Variants in TNKS observed in about 807,000 individuals in gnomAD.
The protein encoded by TNKS is tankyrase, also known as poly [ADP-ribose] polymerase tankyrase-1.
Under a neutral mutation model 135.8 loss-of-function variants are expected in TNKS, and 72 were observed. The observed-to-expected ratio is 0.53, with a 90% CI of 0.44 to 0.64. The LOEUF is 0.64. TNKS is among the 30% of genes least tolerant of loss of function. The probability of loss-of-function intolerance (pLI) is 0.00; values close to 1 mark genes in which losing one functional copy is unlikely to be tolerated. For missense variants in TNKS, 1,769 were observed against 1,674.0 expected (o/e 1.06, Z -0.99); for synonymous variants, 849 against 649.3 (o/e 1.31, Z -4.68).
intron 3 of TNKS, among the ~76,000 whole-genome samples, chr8:9,659,543 CAA>C (rs1801593871): frequency 6.6e-6 from 1 of 151,974 alleles, no homozygotes; most frequent in African/African-American, 2.4e-5. Context: ...CCAACGAGAA[CAA>C]AGACACAACA....
intron 13 of TNKS, among the ~76,000 whole-genome samples, chr8:9,730,270 C>G (rs769075102): frequency 6.6e-6 from 1 of 152,058 alleles, no homozygotes; most frequent in Non-Finnish European, 1.5e-5. Flanking sequence ...GAGGACATCT[C>G]TGAAAGAGAT....
intron 2 of TNKS, among the ~76,000 whole-genome samples, chr8:9,609,403 C>G (rs1163322157): frequency 1.3e-5 from 2 of 152,158 alleles, no homozygotes; most frequent in African/African-American, 4.8e-5. Context: ...TGTACTAGGA[C>G]CAGTTCACAT....
intron 2 of TNKS, among the ~76,000 whole-genome samples, chr8:9,607,126 AAAG>A (rs796694225): frequency 1.3e-3 from 204 of 152,340 alleles, no homozygotes; most frequent in African/African-American, 4.8e-3. Flanking sequence ...GATATTAAAA[AAAG>A]AAGTTTAAAA....
In TNKS at chr8:9,706,172, C is replaced by T. The variant is rs973756993; in HGVS notation, c.1203-15C>T. Reference sequence around the variant, plus strand: ...TTTGAAATTTAAGTATTTTAATTTGCCTCTTTTCATTTAGTGGACTTGTGC... The same window carrying T: ...TTTGAAATTTAAGTATTTTAATTTGTCTCTTTTCATTTAGTGGACTTGTGC... On this transcript the variant is annotated splice_polypyrimidine_tract_variant and intron_variant, in intron 6 of 26. Transcript: ENST00000310430. 1.7e-5 allele frequency: 26 copies of T among 1,552,020 alleles called. No individual in the cohort carries two copies. The highest frequency in any genetic ancestry group is 9.7e-5 in the East Asian group (4 of 41,042).
rs1222004867 is a variant in TNKS, at chr8:9,765,681, C to T, written c.3448-11C>T. 1 of 1,604,304 alleles carries T rather than the reference C, an allele frequency of 6.2e-7. No individual in the cohort carries two copies. Among genetic ancestry groups the T allele is most frequent in the Middle Eastern group, 1.7e-4 (1 of 6,038 alleles). ...TCACCGATAATGTTTCTTTCTTCTTCATCCTTAAAGATTCAAAAAGTTGTC... is the reference window on the plus strand; with the variant it reads ...TCACCGATAATGTTTCTTTCTTCTTTATCCTTAAAGATTCAAAAAGTTGTC... On this transcript the variant is annotated splice_polypyrimidine_tract_variant and intron_variant, in intron 23 of 26. Coordinates refer to ENST00000310430, the MANE Select transcript of TNKS (RefSeq NM_003747.3).
intron 3 of TNKS, among the ~76,000 whole-genome samples, chr8:9,661,985 A>G (rs570216147): frequency 6.6e-6 from 1 of 152,370 alleles, no homozygotes; most frequent in South Asian, 2.1e-4. Context: ...ACATGAAAAA[A>G]TGCTGCTCAT....
intron 2 of TNKS, among the ~76,000 whole-genome samples, chr8:9,611,673 G>A (rs1008880765): frequency 6.6e-6 from 1 of 152,142 alleles, no homozygotes; most frequent in Non-Finnish European, 1.5e-5. Context: ...TGTTACCTTT[G>A]CCTCATGTAT....
chr8:9,679,779 G>A (rs1441841806), intron 3 of TNKS, 172 bp from the exon 4 acceptor site: 1 of 538,872 alleles, frequency 1.9e-6, no homozygotes, highest in Non-Finnish European at 3.3e-6. Flanking sequence ...CGTCTCCAAG[G>A]CACTGGTGAT....
At chr8:9,750,485 C>T (rs958011308) in intron 18 of TNKS, among the ~76,000 whole-genome samples, 20 of 152,196 alleles carry the variant, frequency 1.3e-4, no homozygotes, top group East Asian at 1.9e-4. Flanking sequence ...TTTAGGTTTA[C>T]GTTCTACCTT....
At chr8:9,658,620 C>G (rs528745483) in intron 3 of TNKS, among the ~76,000 whole-genome samples, 125 of 152,370 alleles carry the variant, frequency 8.2e-4, no homozygotes, top group African/African-American at 2.8e-3. Flanking sequence ...GTAACAGCCA[C>G]TGCAAAAACA....
intron 5 of TNKS, among the ~76,000 whole-genome samples, chr8:9,696,443 AGCAGTCAG>A (rs1803518176): frequency 2.6e-5 from 4 of 152,264 alleles, no homozygotes; most frequent in Admixed American, 2.6e-4. Context: ...TTCTAGCTAG[AGCAGTCAG>A]GCAAGAAAAA....
intron 2 of TNKS, among the ~76,000 whole-genome samples, chr8:9,586,149 C>T (rs1461839732): frequency 6.6e-6 from 1 of 152,122 alleles, no homozygotes; most frequent in South Asian, 2.1e-4. Flanking sequence ...TAGTTTTCTT[C>T]TTGTATTACA....
rs574826682 is a variant in TNKS, at chr8:9,644,678, T to G, written c.994+29001T>G. Among the ~76,000 whole-genome samples, 4 of 152,280 alleles carry G rather than the reference T, an allele frequency of 2.6e-5. No individual in the cohort carries two copies. The East Asian group carries it at 7.7e-4, about 29-fold the overall frequency. The stretch of plus-strand genomic sequence containing the variant: ...CACCATTCAACCCACAACAGCACCT[T>G]CAGGAGCTAATTTGCTTTGTGCGTT... On this transcript the variant is annotated intron_variant, in intron 3 of 26. Transcript: ENST00000310430.
chr8:9,751,501 G>A (rs1811162494), intron 18 of TNKS, 108 bp from the exon 19 acceptor site: 2 of 919,548 alleles, frequency 2.2e-6, no homozygotes, highest in Admixed American at 4.6e-5. Flanking sequence ...AGGTGATAAT[G>A]AGGCATTCAT....
chr8:9,772,125 G>A (rs566900207), intron 26 of TNKS, among the ~76,000 whole-genome samples: 3 of 149,872 alleles, frequency 2.0e-5, no homozygotes, highest in African/African-American at 7.4e-5. Context: ...TGGAGGGAGG[G>A]ATGACATGGG....
At chr8:9,759,809 C>A (rs564946369) in intron 20 of TNKS, among the ~76,000 whole-genome samples, 2 of 151,932 alleles carry the variant, frequency 1.3e-5, no homozygotes, top group Non-Finnish European at 1.5e-5. Context: ...CCCATCTCTA[C>A]TAAAAATACA....
At chr8:9,738,871 A>T (rs1805779858) in intron 17 of TNKS, among the ~76,000 whole-genome samples, 1 of 140,902 alleles carries the variant, frequency 7.1e-6, no homozygotes, top group Non-Finnish European at 1.5e-5. Context: ...AAAAATGTAT[A>T]TTCTGTTGAT....
chr8:9,615,765 T>C, intron 3 of TNKS, 88 bp downstream of exon 3: 1 of 1,066,530 alleles, frequency 9.4e-7, no homozygotes, highest in Non-Finnish European at 1.4e-6. Context: ...ATTTTTCTTT[T>C]CACTGATGAA....
intron 3 of TNKS, among the ~76,000 whole-genome samples, chr8:9,660,196 C>A (rs953877547): frequency 6.6e-6 from 1 of 152,176 alleles, no homozygotes; most frequent in African/African-American, 2.4e-5. Flanking sequence ...GAAACTATTC[C>A]AATCAATAGA....
Sources: allele counts gnomAD v4.1 joint callset (sites outside exome capture counted in the v4.1 genomes callset), GRCh38; gene constraint gnomAD v4.1.1; transcripts MANE v1.5; gene names NCBI Gene and HGNC (gene_info 2026-07-23, HGNC 2026-07-21).